Variants in PTPRQ observed in about 807,000 individuals in gnomAD.
PTPRQ encodes the protein phosphatidylinositol phosphatase PTPRQ.
In PTPRQ, 199 loss-of-function variants were observed where a neutral mutation model predicts 246.0. The observed-to-expected ratio is 0.81, with a 90% CI of 0.72 to 0.91. The LOEUF (loss-of-function observed/expected upper bound fraction) is 0.91. Among genes scored for constraint, PTPRQ ranks in the 40% least tolerant of loss-of-function variants. The probability of loss-of-function intolerance (pLI) is 0.00; values close to 1 mark genes in which losing one functional copy is unlikely to be tolerated. For missense variants in PTPRQ, 2,624 were observed against 2,528.4 expected (o/e 1.04, Z -0.81); for synonymous variants, 869 against 853.2 (o/e 1.02, Z -0.32).
intron 16 of PTPRQ, among the ~76,000 whole-genome samples, chr12:80,508,012 A>G (rs936882839): frequency 2.0e-5 from 3 of 152,142 alleles, no homozygotes; most frequent in African/African-American, 4.8e-5. Flanking sequence ...TATATGATGG[A>G]ATGAGACCAG....
intron 19 of PTPRQ, among the ~76,000 whole-genome samples, chr12:80,539,120 C>G (rs1896073201): frequency 6.6e-6 from 1 of 151,816 alleles, no homozygotes; most frequent in African/African-American, 2.4e-5. Context: ...AAAATGATTA[C>G]ATACATACCC....
intron 6 of PTPRQ, among the ~76,000 whole-genome samples, chr12:80,466,327 G>T (rs972107188): frequency 6.6e-6 from 1 of 152,000 alleles, no homozygotes; most frequent in Non-Finnish European, 1.5e-5. Flanking sequence ...TCAAGGAGAA[G>T]TACAAACCAG....
chr12:80,533,928 T>A, intron 17 of PTPRQ, 87 bp from the exon 18 acceptor site: 1 of 964,272 alleles, frequency 1.0e-6, no homozygotes, highest in Non-Finnish European at 1.4e-6. Flanking sequence ...CATATATTAA[T>A]GTTGTTTACT....
intron 22 of PTPRQ, 60 bp from the exon 23 acceptor site, chr12:80,542,670 G>T: frequency 6.7e-7 from 1 of 1,482,530 alleles, no homozygotes; most frequent in Admixed American, 2.8e-5. Flanking sequence ...AGTAAGTCAC[G>T]GTGCTATTTT....
At chr12:80,668,044 T>A (rs186092643) in intron 39 of PTPRQ, among the ~76,000 whole-genome samples, 4 of 152,114 alleles carry the variant, frequency 2.6e-5, no homozygotes, top group Admixed American at 2.6e-4. Flanking sequence ...TTTAAATATA[T>A]GTTATTTTTT....
chr12:80,468,896 C>T (rs1893534421), intron 7 of PTPRQ, 58 bp downstream of exon 7: 1 of 1,516,772 alleles, frequency 6.6e-7, no homozygotes, highest in Non-Finnish European at 8.8e-7. Flanking sequence ...AAATATGTTA[C>T]CAATATCAAA....
intron 33 of PTPRQ, among the ~76,000 whole-genome samples, chr12:80,624,369 T>C (rs1446527342): frequency 6.6e-6 from 1 of 152,172 alleles, no homozygotes; most frequent in Admixed American, 6.5e-5. Flanking sequence ...GTCTTTTAGG[T>C]TGCTCCTTAG....
In PTPRQ at chr12:80,622,123, T is replaced by TTAAG. The variant is rs1899017276; in HGVS notation, c.5676_5679dup (p.Thr1894Ter). 1 of 1,439,886 alleles carries TTAAG rather than the reference T, an allele frequency of 6.9e-7. No homozygotes were observed. The allele number at this position is 1,439,886 out of a possible 1,614,324, so 89.2% of individuals were successfully genotyped here. On this transcript the variant is annotated frameshift_variant, in exon 33 of 45. Coordinates refer to ENST00000644991, the MANE Select transcript of PTPRQ (RefSeq NM_001145026.2). LOFTEE classifies it high-confidence loss of function. ...ACTGACTCTGATTATTCTGACCCTG[T>TTAAG]TAAGACTTTAGGTAAGACATTTTTG...
chr12:80,642,087 A>T (rs1319372108), intron 35 of PTPRQ, among the ~76,000 whole-genome samples: 1 of 151,996 alleles, frequency 6.6e-6, no homozygotes, highest in Non-Finnish European at 1.5e-5. Context: ...TTACCCTGAC[A>T]CAGCTAAACT....
intron 14 of PTPRQ, among the ~76,000 whole-genome samples, chr12:80,498,697 C>T (rs1894703842): frequency 6.6e-6 from 1 of 152,062 alleles, no homozygotes; most frequent in Non-Finnish European, 1.5e-5. Context: ...TGTCATTAGG[C>T]TTCTGCTCAG....
intron 23 of PTPRQ, among the ~76,000 whole-genome samples, chr12:80,544,555 C>A (rs73349736): frequency 6.6e-6 from 1 of 152,080 alleles, no homozygotes; most frequent in African/African-American, 2.4e-5. Context: ...AAATCTACTG[C>A]GTCATGTTAC....
intron 14 of PTPRQ, among the ~76,000 whole-genome samples, chr12:80,503,632 A>G (rs1004526892): frequency 1.3e-5 from 2 of 151,836 alleles, no homozygotes; most frequent in African/African-American, 4.8e-5. Flanking sequence ...TTGAATGGCA[A>G]TAATATTTAC....
chr12:80,468,530 A>T (rs1167789045), intron 6 of PTPRQ, among the ~76,000 whole-genome samples, 180 bp from the exon 7 acceptor site: 2 of 152,206 alleles, frequency 1.3e-5, no homozygotes, highest in African/African-American at 4.8e-5. Flanking sequence ...ATGATCCAGC[A>T]TGTGTTATTC....
At chr12:80,547,665 A>C (rs1436409397) in intron 24 of PTPRQ, among the ~76,000 whole-genome samples, 1 of 152,152 alleles carries the variant, frequency 6.6e-6, no homozygotes, top group African/African-American at 2.4e-5. Context: ...TAGTTGTATA[A>C]TCTTGGCAAA....
chr12:80,444,398 AG>A lies in PTPRQ; in HGVS notation c.54+1del. On this transcript the variant is annotated frameshift_variant and splice_region_variant, in exon 1 of 45. Transcript: ENST00000644991. LOFTEE classifies it high-confidence loss of function. ...LLLFIGTSET[Q>X]VDVSNVVPGT... ...CTTTTTATTGGGACTTCAGAGACACAGGTATTTCGTATACACTCTTTAAAAA... is the reference window on the plus strand; with the variant it reads ...CTTTTTATTGGGACTTCAGAGACACAGTATTTCGTATACACTCTTTAAAAA... The A allele has an allele frequency of 6.9e-7, 1 of 1,449,324 alleles. No individual in the cohort carries two copies. The highest frequency in any genetic ancestry group is 9.5e-7 in the Non-Finnish European group (1 of 1,057,348). 89.8% of individuals were successfully genotyped at this position (1,449,324 alleles called of 1,614,324 possible).
intron 3 of PTPRQ, among the ~76,000 whole-genome samples, chr12:80,455,204 A>G (rs942859441): frequency 2.0e-5 from 3 of 152,116 alleles, no homozygotes; most frequent in Non-Finnish European, 4.4e-5. Context: ...AAAAAAACAG[A>G]TAGCTTTTGC....
intron 25 of PTPRQ, among the ~76,000 whole-genome samples, chr12:80,571,872 GATTT>G (rs1592669539): frequency 6.6e-6 from 1 of 151,872 alleles, no homozygotes; most frequent in African/African-American, 2.4e-5. Context: ...TTATTCCATT[GATTT>G]ATTTATCTGT....
intron 25 of PTPRQ, among the ~76,000 whole-genome samples, chr12:80,562,271 T>C (rs547389685): frequency 2.6e-5 from 4 of 152,192 alleles, no homozygotes; most frequent in Non-Finnish European, 5.9e-5. Context: ...ACTGCCTTTA[T>C]CTAGTTACTG....
intron 34 of PTPRQ, among the ~76,000 whole-genome samples, chr12:80,633,126 C>CA (rs369959094): frequency 3.7e-4 from 56 of 151,052 alleles, no homozygotes; most frequent in African/African-American, 1.3e-3. Context: ...AAGAGCACAG[C>CA]AAAAAAAAGG....
Sources: gnomAD v4.1 joint callset for allele counts (sites outside exome capture counted in the v4.1 genomes callset) on GRCh38, gnomAD v4.1.1 for gene constraint, MANE v1.5 for transcripts, NCBI Gene and HGNC (gene_info 2026-07-23, HGNC 2026-07-21) for gene names.